FHOD1: variants seen among roughly 807,000 people sequenced by gnomAD.
FHOD1 encodes FH1/FH2 domain-containing protein 1.
FHOD1 carries 89 observed loss-of-function variants against 111.6 expected under a neutral mutation model. The ratio of observed to expected loss-of-function variants is 0.80; its 90% CI spans 0.67 to 0.95. The LOEUF is 0.95. FHOD1 is among the 40% of genes least tolerant of loss of function. The pLI is 0.00. For missense variants in FHOD1, 1,446 were observed against 1,554.2 expected (o/e 0.93, Z 1.17); for synonymous variants, 618 against 639.0 (o/e 0.97, Z 0.50).
chr16:67,237,720 C>T lies in FHOD1; in HGVS notation c.691G>A (p.Glu231Lys). ...AGCGGTGCGTTGTTTTCGGAGTATT[C>T]TACAAACACCAACAGCAGCTTCAGG... ...TALKLLLVFV[E>K]YSENNAPLFI... Residue 231 changes from glutamate to lysine, a missense_variant, in exon 7 of 22, where the codon GAA becomes AAA. Around this residue, in one of 3 missense-constraint regions of FHOD1, gnomAD observed 234 missense variants for 327.4 expected, o/e 0.71. Coordinates refer to ENST00000258201, the MANE Select transcript of FHOD1 (RefSeq NM_013241.3). The surrounding 1 kb of genome is among the most constrained non-coding windows in gnomAD (Gnocchi z 5.6). The T allele has an allele frequency of 6.2e-7, 1 of 1,614,188 alleles. No individual in the cohort carries two copies. The highest frequency in any genetic ancestry group is 8.5e-7 in the Non-Finnish European group (1 of 1,180,042).
chr16:67,230,568 G>C, intron 18 of FHOD1, 33 bp downstream of exon 18: 7 of 1,613,360 alleles, frequency 4.3e-6, no homozygotes, highest in Admixed American at 1.7e-5. Flanking sequence ...GAGGGTGGTG[G>C]CCGTCCTGCC....
At chr16:67,241,550 C>T (rs889110266) in intron 1 of FHOD1, among the ~76,000 whole-genome samples, 2 of 152,242 alleles carry the variant, frequency 1.3e-5, no homozygotes, top group African/African-American at 4.8e-5. Flanking sequence ...ATTCTTTGAA[C>T]ATTCATGACC....
Position 67,231,286 on chromosome 16 carries a change from G to A in FHOD1, c.2569C>T (p.Gln857Ter). The change falls in exon 17 of 22, where the codon CAG becomes TAG. Residue 857 changes from glutamine to a stop codon, truncating the protein, a stop_gained. Transcript: ENST00000258201. LOFTEE classifies it high-confidence loss of function. This position sits in a 1 kb window ranked among gnomAD's most constrained non-coding sequence, Gnocchi z 4.3. ...GAGCAGAGATGGTGTAGCAGTGACT[G>A]TCGACGCACCGTGTCCTTCACCTCT... ...VSEVKDTVRR[Q>*]SLLHHLCSLV... The A allele has an allele frequency of 6.2e-7, 1 of 1,614,144 alleles. No individual in the cohort carries two copies. The highest frequency in any genetic ancestry group is 8.5e-7 in the Non-Finnish European group (1 of 1,180,008).
At chr16:67,236,808 G>T in intron 10 of FHOD1, 75 bp from the exon 11 acceptor site, 1 of 1,301,228 alleles carries the variant, frequency 7.7e-7, no homozygotes, top group Non-Finnish European at 1.0e-6. Context: ...TGGGGCCTGC[G>T]GGGCGGGAGG....
chr16:67,240,397 G>A (rs1264877663), intron 1 of FHOD1, among the ~76,000 whole-genome samples: 1 of 152,176 alleles, frequency 6.6e-6, no homozygotes, highest in East Asian at 1.9e-4. Context: ...ATGATGGCGG[G>A]TGCCTGTAAT....
Position 67,229,880 on chromosome 16 carries a change from C to T in FHOD1, c.3325G>A (p.Asp1109Asn), listed in dbSNP as rs1321235583. Residue 1109 changes from aspartate (D) to asparagine (N), a missense_variant, in exon 21 of 22, where the codon GAC (aspartate) becomes AAC (asparagine). Coordinates refer to ENST00000258201, the MANE Select transcript of FHOD1 (RefSeq NM_013241.3). ...TTGGTCACTGACTGCACCAGAAGGT[C>T]CATGATCTCATCTGATGTATCACTG... is the stretch of plus-strand genomic sequence containing the variant. Reference protein sequence around the residue: ...LPSDTSDEIMDLLVQSVTKSS... With the variant: ...LPSDTSDEIMNLLVQSVTKSS... The T allele has an allele frequency of 2.5e-6, 4 of 1,614,086 alleles. No individual in the cohort carries two copies. Among genetic ancestry groups the T allele is most frequent in the Admixed American group, 3.3e-5 (2 of 60,002 alleles).
Position 67,237,968 on chromosome 16 carries a change from C to G in FHOD1, c.642+66G>C. ...CTCCCTTCCAGCTCACTTTGCAGAA[C>G]AGGAAACTGAGGCCCAGAGAGAAGC... On this transcript the variant is annotated intron_variant, in intron 6 of 21. Transcript: ENST00000258201. This position sits in a 1 kb window ranked among gnomAD's most constrained non-coding sequence, Gnocchi z 5.6. The G allele has an allele frequency of 6.5e-7, 1 of 1,548,110 alleles. No individual in the cohort carries two copies. Among genetic ancestry groups the G allele is most frequent in the Non-Finnish European group, 8.9e-7 (1 of 1,123,938 alleles).
chr16:67,241,844 A>G (rs1402751116), intron 1 of FHOD1, among the ~76,000 whole-genome samples: 1 of 152,238 alleles, frequency 6.6e-6, no homozygotes, highest in African/African-American at 2.4e-5. Flanking sequence ...ACAGACCCAG[A>G]AAGGTCAGGC....
At chr16:67,244,211 G>A (rs540941889) in intron 1 of FHOD1, among the ~76,000 whole-genome samples, 30 of 152,204 alleles carry the variant, frequency 2.0e-4, no homozygotes, top group South Asian at 8.3e-4. Flanking sequence ...CCCCCTACCC[G>A]GAGCTCAGGG....
intron 14 of FHOD1, 37 bp downstream of exon 14, chr16:67,232,001 CA>C (rs2034295328): frequency 1.2e-6 from 2 of 1,610,358 alleles, no homozygotes; most frequent in Non-Finnish European, 1.7e-6. Flanking sequence ...AGGAGAAGGC[CA>C]GACCTCCCCC....
intron 19 of FHOD1, 33 bp from the exon 20 acceptor site, chr16:67,230,261 C>T (rs776409748): frequency 3.0e-5 from 48 of 1,613,128 alleles, no homozygotes; most frequent in Non-Finnish European, 3.6e-5. Context: ...CTGGGAGGAG[C>T]GAAGGAAACC....
At chr16:67,242,238 G>C (rs547944668) in intron 1 of FHOD1, among the ~76,000 whole-genome samples, 5 of 152,168 alleles carry the variant, frequency 3.3e-5, no homozygotes, top group African/African-American at 1.2e-4. Context: ...CAAAGTGCTG[G>C]GATTGTAGGT....
At chr16:67,234,965 G>C (rs1213983957) in intron 11 of FHOD1, among the ~76,000 whole-genome samples, 1 of 152,116 alleles carries the variant, frequency 6.6e-6, no homozygotes, top group African/African-American at 2.4e-5. Context: ...TCACTGTGTT[G>C]TTCAGGCTGG....
chr16:67,231,325 G>C lies in FHOD1; in HGVS notation c.2530C>G (p.Leu844Val). 1.2e-6 allele frequency: 2 copies of C among 1,614,136 alleles called. No individual in the cohort carries two copies. Among genetic ancestry groups the C allele is most frequent in the Non-Finnish European group, 1.7e-6 (2 of 1,180,010 alleles). ...TCCTTCACCTCTGACACCTTCTCCA[G>C]GTAGCTCAGCTCAAAGCCGCTGCTC... ...SQSSGFELSY[L>V]EKVSEVKDTV... The change falls in exon 17 of 22, where the codon CTG becomes GTG. Residue 844 changes from leucine (L) to valine (V), a missense_variant. Transcript: ENST00000258201. This position sits in a 1 kb window ranked among gnomAD's most constrained non-coding sequence, Gnocchi z 4.3.
At chr16:67,246,209 G>A (rs1262447007) in intron 1 of FHOD1, among the ~76,000 whole-genome samples, 1 of 152,220 alleles carries the variant, frequency 6.6e-6, no homozygotes, top group Non-Finnish European at 1.5e-5. Flanking sequence ...CCAGGCCCAA[G>A]GGGCAAGTTT....
chr16:67,236,767 G>A (rs2034495597), intron 10 of FHOD1, 34 bp from the exon 11 acceptor site: 1 of 1,272,158 alleles, frequency 7.9e-7, no homozygotes, highest in Non-Finnish European at 1.0e-6. Context: ...GGCGGGGCCT[G>A]AGAAGCTGGA....
chr16:67,237,448 G>A lies in FHOD1; in HGVS notation c.849+27C>T, dbSNP rs1247293856. On this transcript the variant is annotated intron_variant, in intron 8 of 21. Coordinates refer to ENST00000258201, the MANE Select transcript of FHOD1 (RefSeq NM_013241.3). The surrounding 1 kb of genome is among the most constrained non-coding windows in gnomAD (Gnocchi z 5.6). ...GGAGGTCAGGAGCCTGAGCATCCCA[G>A]AGCTGGCACCCAGTCCTTGGCCACA... The A allele has an allele frequency of 1.2e-6, 2 of 1,614,162 alleles. No individual in the cohort carries two copies. The highest frequency in any genetic ancestry group is 1.7e-6 in the Non-Finnish European group (2 of 1,180,000).
intron 17 of FHOD1, 76 bp from the exon 18 acceptor site, chr16:67,230,867 C>T: frequency 6.9e-7 from 1 of 1,453,530 alleles, no homozygotes; most frequent in Non-Finnish European, 9.2e-7. Context: ...TGCTTCTGGG[C>T]CAGAGTGGCC....
chr16:67,230,782 C>A lies in FHOD1; in HGVS notation c.2677G>T (p.Glu893Ter). The change falls in exon 18 of 22, where the codon GAA becomes TAA. Residue 893 changes from glutamate (E) to a stop codon, truncating the protein, a stop_gained. Coordinates refer to ENST00000258201, the MANE Select transcript of FHOD1 (RefSeq NM_013241.3). LOFTEE classifies it high-confidence loss of function. ...TGCCCCAGGTTCTCAGTCAGCTGTTCAAAGTCCACCTGAGAAAGCAAGGGG... is the reference window on the plus strand; with the variant it reads ...TGCCCCAGGTTCTCAGTCAGCTGTTAAAAGTCCACCTGAGAAAGCAAGGGG... ...ALTRCAKVDF[E>*]QLTENLGQLE... is the part of the protein sequence containing the mutation. The A allele has an allele frequency of 6.3e-7, 1 of 1,594,576 alleles. No individual in the cohort carries two copies. Among genetic ancestry groups the A allele is most frequent in the Non-Finnish European group, 8.5e-7 (1 of 1,169,818 alleles).
Sources: gnomAD v4.1 joint callset for allele counts (sites outside exome capture counted in the v4.1 genomes callset) on GRCh38, gnomAD v4.1.1 for gene constraint, gnomAD v4.1.1 regional missense constraint, Gnocchi (gnomAD v3.1) non-coding constraint, MANE v1.5 for transcripts, NCBI Gene and HGNC (gene_info 2026-07-23, HGNC 2026-07-21) for gene names.